Variants in WDFY4 observed in about 807,000 individuals in gnomAD.
The protein encoded by WDFY4 is WD repeat- and FYVE domain-containing protein 4.
In WDFY4, 169 loss-of-function variants were observed where a neutral mutation model predicts 351.9. The ratio of observed to expected loss-of-function variants is 0.48; its 90% CI spans 0.42 to 0.55. The LOEUF is 0.55. WDFY4 is among the 20% of genes least tolerant of loss of function. WDFY4 has a pLI of 0.00. For missense variants in WDFY4, 3,803 were observed against 3,935.6 expected (o/e 0.97, Z 0.90); for synonymous variants, 1,622 against 1,574.6 (o/e 1.03, Z -0.71).
rs2064159653 is a variant in WDFY4 at position 48,723,475 on chromosome 10, C to T, written c.499C>T (p.Leu167Phe). The T allele has an allele frequency of 6.4e-7, 1 of 1,550,854 alleles. No individual in the cohort carries two copies. The highest frequency in any genetic ancestry group is 8.7e-7 in the Non-Finnish European group (1 of 1,147,018). ...TGCTGAGTCTGGGCTTCCAGCCCTG[C>T]TCCTACAGTGCCTTTACCTCTTCTT... ...RVAESGLPAL[L>F]LQCLYLFFVF... The change falls in exon 5 of 62, where the codon CTC (leucine) becomes TTC (phenylalanine). Residue 167 changes from leucine (L) to phenylalanine (F), a missense_variant. By Grantham distance (22) the Leu-to-Phe change is conservative. Around this residue, in one of 3 missense-constraint regions of WDFY4, gnomAD observed 488 missense variants for 456.8 expected, o/e 1.07. Transcript: ENST00000325239.
chr10:48,902,832 G>A (rs1273449795), intron 47 of WDFY4, among the ~76,000 whole-genome samples: 4 of 152,044 alleles, frequency 2.6e-5, no homozygotes, highest in African/African-American at 4.8e-5. Flanking sequence ...ATACTTGGCC[G>A]GGCGTGGTGG....
At chr10:48,980,409 G>A (rs1031898546) in intron 60 of WDFY4, among the ~76,000 whole-genome samples, 1 of 152,150 alleles carries the variant, frequency 6.6e-6, no homozygotes, top group Non-Finnish European at 1.5e-5. Flanking sequence ...ATGTCTTAAG[G>A]GGCAAGAAAG....
At position 48,982,890 on chromosome 10, in the gene WDFY4, G is replaced by A. The variant is rs201924782; in HGVS notation, c.*315G>A. 2.7e-6 allele frequency: 1 copy of A among 370,268 alleles called. No homozygotes were observed. The highest frequency in any genetic ancestry group is 5.3e-6 in the Non-Finnish European group (1 of 189,946). The allele number at this position is 370,268 out of a possible 1,614,324, so 22.9% of individuals were successfully genotyped here. On this transcript the variant is annotated 3_prime_UTR_variant, in exon 62 of 62. Coordinates refer to ENST00000325239, the MANE Select transcript of WDFY4 (RefSeq NM_001394531.1). ...GGGCTATTGCACTGAAAAAAAAAAA[G>A]ATGGGTCGCTTACTGGAAATTATTG...
chr10:48,733,837 C>T (rs951315219), intron 9 of WDFY4, 94 bp from the exon 10 acceptor site: 28 of 1,102,848 alleles, frequency 2.5e-5, no homozygotes, highest in Admixed American at 4.2e-5. Context: ...ATTATATTCA[C>T]ATCTCCTTAA....
intron 13 of WDFY4, among the ~76,000 whole-genome samples, chr10:48,768,946 G>A (rs2065770661): frequency 6.6e-6 from 1 of 152,194 alleles, no homozygotes; most frequent in Non-Finnish European, 1.5e-5. Context: ...ATGGTGTTTA[G>A]CAGAAGCTGA....
intron 39 of WDFY4, among the ~76,000 whole-genome samples, chr10:48,837,056 G>C (rs1034377486): frequency 1.3e-5 from 2 of 152,106 alleles, no homozygotes; most frequent in African/African-American, 2.4e-5. Context: ...CAGGTGAAGG[G>C]TAGATGAAAA....
chr10:48,842,451 A>C (rs138867490), intron 39 of WDFY4, among the ~76,000 whole-genome samples: 1,615 of 152,184 alleles, frequency 0.011, 27 homozygotes, highest in African/African-American at 0.037. Flanking sequence ...CTGCAGCAGG[A>C]CCTGAGCTGT....
intron 39 of WDFY4, among the ~76,000 whole-genome samples, chr10:48,836,571 A>G (rs1182712797): frequency 6.6e-6 from 1 of 152,252 alleles, no homozygotes; most frequent in Non-Finnish European, 1.5e-5. Context: ...CATATGATAT[A>G]GAATTCATAA....
intron 1 of WDFY4, among the ~76,000 whole-genome samples, chr10:48,709,014 C>A (rs180818810): frequency 5.3e-4 from 81 of 151,682 alleles, no homozygotes; most frequent in South Asian, 6.3e-4. Context: ...AACACCCCCC[C>A]CCCCCAAACA....
At chr10:48,880,768 T>G (rs916520065) in intron 43 of WDFY4, among the ~76,000 whole-genome samples, 13 of 152,228 alleles carry the variant, frequency 8.5e-5, no homozygotes, top group African/African-American at 3.1e-4. Flanking sequence ...CTATGCTTGC[T>G]GCCTCTGGCT....
At chr10:48,963,450 T>C (rs1234095238) in intron 53 of WDFY4, among the ~76,000 whole-genome samples, 1 of 152,188 alleles carries the variant, frequency 6.6e-6, no homozygotes, top group Non-Finnish European at 1.5e-5. Flanking sequence ...CTCCTGACAC[T>C]CTCTGGTCAG....
At chr10:48,971,608 G>A (rs1052425817) in intron 57 of WDFY4, among the ~76,000 whole-genome samples, 3 of 152,074 alleles carry the variant, frequency 2.0e-5, no homozygotes, top group East Asian at 1.9e-4. Flanking sequence ...CATGTTCTCT[G>A]GGGTTCTCTG....
chr10:48,939,626 G>A (rs776238787), intron 47 of WDFY4, among the ~76,000 whole-genome samples: 1 of 152,214 alleles, frequency 6.6e-6, no homozygotes, highest in Non-Finnish European at 1.5e-5. Context: ...AACTTTTAAA[G>A]AAATACTTTC....
intron 56 of WDFY4, 124 bp from the exon 57 acceptor site, chr10:48,970,007 T>G: frequency 8.2e-7 from 1 of 1,220,232 alleles, no homozygotes; most frequent in Non-Finnish European, 1.1e-6. Context: ...AACTGGCTCC[T>G]GAACACATGG....
chr10:48,969,274 C>A, intron 56 of WDFY4, 26 bp downstream of exon 56: 1 of 1,549,090 alleles, frequency 6.5e-7, no homozygotes, highest in Non-Finnish European at 8.7e-7. Flanking sequence ...GGAGCAGGGG[C>A]AGCCTCAGGA....
At chr10:48,777,648 G>A (rs1486702940) in intron 17 of WDFY4, among the ~76,000 whole-genome samples, 153 bp downstream of exon 17, 1 of 152,202 alleles carries the variant, frequency 6.6e-6, no homozygotes, top group African/African-American at 2.4e-5. Context: ...AATTTGGGAG[G>A]CCAAGACAGG....
chr10:48,932,328 A>G (rs1840064034), intron 47 of WDFY4, among the ~76,000 whole-genome samples: 1 of 152,248 alleles, frequency 6.6e-6, no homozygotes, highest in Non-Finnish European at 1.5e-5. Flanking sequence ...CAGGAATCTC[A>G]GATGGAGGAG....
intron 43 of WDFY4, among the ~76,000 whole-genome samples, chr10:48,880,220 C>T (rs2070189884): frequency 6.6e-6 from 1 of 152,176 alleles, no homozygotes; most frequent in African/African-American, 2.4e-5. Flanking sequence ...TGGTCAGGGA[C>T]CCGAGTGAGT....
chr10:48,953,232 G>T (rs1841416456), intron 51 of WDFY4, among the ~76,000 whole-genome samples: 1 of 152,078 alleles, frequency 6.6e-6, no homozygotes, highest in Admixed American at 6.6e-5. Context: ...AGTCTGTGAA[G>T]GGAAAAGGAC....
Sources: gnomAD v4.1 joint callset for allele counts (sites outside exome capture counted in the v4.1 genomes callset) on GRCh38, gnomAD v4.1.1 for gene constraint, gnomAD v4.1.1 regional missense constraint, MANE v1.5 for transcripts, NCBI Gene and HGNC (gene_info 2026-07-23, HGNC 2026-07-21) for gene names.